ZNF273: variants seen among roughly 807,000 people sequenced by gnomAD.
ZNF273 encodes zinc finger protein 273.
In ZNF273, 11 loss-of-function variants were observed where a neutral mutation model predicts 14.9. The ratio of observed to expected loss-of-function variants is 0.74; its 90% CI spans 0.46 to 1.22. The LOEUF (loss-of-function observed/expected upper bound fraction) is 1.22. Ranked by LOEUF, ZNF273 falls within the 50% of genes most tolerant of loss-of-function variation. The pLI, the probability that ZNF273 is intolerant of heterozygous loss-of-function variation, is 0.00. For synonymous variants in ZNF273, 199 were observed against 223.9 expected (o/e 0.89, Z 0.99); for missense variants, 577 against 660.6 (o/e 0.87, Z 1.39).
chr7:64,885,933 T>G (rs1005016663), intron 1 of ZNF273, among the ~76,000 whole-genome samples: 11 of 152,126 alleles, frequency 7.2e-5, no homozygotes, highest in Non-Finnish European at 7.3e-5. Flanking sequence ...AGGGCTAAGA[T>G]CTTGGTTTAA....
chr7:64,897,223 G>A (rs1243043897), intron 3 of ZNF273: 2 of 152,226 alleles, frequency 1.3e-5, no homozygotes, highest in African/African-American at 4.8e-5. Flanking sequence ...AAAACTTAAT[G>A]TTGGTAGAGC....
intron 1 of ZNF273, among the ~76,000 whole-genome samples, chr7:64,907,344 A>G (rs1250127198): frequency 6.6e-6 from 1 of 152,158 alleles, no homozygotes; most frequent in East Asian, 1.9e-4. Context: ...AGGATTATCT[A>G]TGTGCTTCAT....
rs2129106271 is a variant in ZNF273 at position 64,928,245 on chromosome 7, C to T, written c.917C>T (p.Thr306Ile). The change falls in exon 4 of 4, where the codon ACT becomes ATT. Residue 306 changes from threonine to isoleucine, a missense_variant. Thr to Ile is a moderately conservative substitution (Grantham distance 89). This residue lies in a region of ZNF273 where 411 missense variants were observed against 440.4 expected (regional missense o/e 0.93). Coordinates refer to ENST00000476120, the MANE Select transcript of ZNF273 (RefSeq NM_021148.3). ...GKVFSVFSVL[T>I]KHKIIHTGTK... ...GTCTTTAGTGTATTTTCAGTCCTTA[C>T]TAAACATAAGATAATTCATACAGGA... is the stretch of plus-strand genomic sequence containing the variant. 2 of 1,612,972 alleles carry T rather than the reference C, an allele frequency of 1.2e-6. No individual in the cohort carries two copies. The highest frequency in any genetic ancestry group is 4.5e-5 in the East Asian group (2 of 44,808).
At chr7:64,891,114 C>A (rs566790420), downstream of ZNF273, among the ~76,000 whole-genome samples, 2 of 152,290 alleles carry the variant, frequency 1.3e-5, no homozygotes, top group African/African-American at 4.8e-5. Context: ...CAGGCCTGGG[C>A]AGGATGATGT....
At chr7:64,883,064 T>G (rs1471914469), downstream of ZNF273, among the ~76,000 whole-genome samples, 1 of 152,164 alleles carries the variant, frequency 6.6e-6, no homozygotes, top group Non-Finnish European at 1.5e-5. Flanking sequence ...GCAGCGCTTT[T>G]TCTTTTTTTT....
At chr7:64,885,541 C>T (rs139633669) in intron 1 of ZNF273, among the ~76,000 whole-genome samples, 143 of 152,342 alleles carry the variant, frequency 9.4e-4, no homozygotes, top group Non-Finnish European at 1.3e-3. Context: ...TCTCATGAAT[C>T]TGTGTGTGTT....
At chr7:64,883,241 T>C (rs1243350131), downstream of ZNF273, among the ~76,000 whole-genome samples, 4 of 132,302 alleles carry the variant, frequency 3.0e-5, no homozygotes, top group Admixed American at 3.3e-4. Flanking sequence ...CAGCAACTGG[T>C]CTAGAAAGAA....
downstream of ZNF273, among the ~76,000 whole-genome samples, chr7:64,881,616 G>T (rs6942829): frequency 0.011 from 1,677 of 152,206 alleles, 15 homozygotes; most frequent in Non-Finnish European, 0.016. Context: ...CTGTCCTTGT[G>T]GGGGGGCTGT....
chr7:64,932,561 C>T (rs913201749), downstream of ZNF273, among the ~76,000 whole-genome samples: 1 of 152,136 alleles, frequency 6.6e-6, no homozygotes, highest in African/African-American at 2.4e-5. Context: ...ACCTCCGCCT[C>T]CCAGAGTGCT....
chr7:64,886,118 C>T (rs1791561757), intron 1 of ZNF273, among the ~76,000 whole-genome samples: 1 of 152,222 alleles, frequency 6.6e-6, no homozygotes, highest in African/African-American at 2.4e-5. Flanking sequence ...AGGCAGCTTC[C>T]TCACTTATTC....
At chr7:64,927,440 A>G (rs1424772600) in intron 3 of ZNF273, among the ~76,000 whole-genome samples, 2 of 152,236 alleles carry the variant, frequency 1.3e-5, no homozygotes, top group Non-Finnish European at 2.9e-5. Flanking sequence ...TACCTGGGGC[A>G]CTGCACACAC....
exon 1 of ZNF273, chr7:64,877,858 C>A (rs1791155895): frequency 6.6e-6 from 1 of 152,240 alleles, no homozygotes; most frequent in Admixed American, 6.5e-5. Context: ...TGAAACTTGC[C>A]CCCCTGTGAT....
chr7:64,883,214 A>ACCCCCACCC (rs1791354353), downstream of ZNF273, among the ~76,000 whole-genome samples: 1 of 121,638 alleles, frequency 8.2e-6, no homozygotes, highest in Non-Finnish European at 1.7e-5. Context: ...CCAAATCACC[A>ACCCCCACCC]CCCCCCCCTC....
At chr7:64,903,889 T>C (rs1328313877) in intron 1 of ZNF273, among the ~76,000 whole-genome samples, 1 of 152,212 alleles carries the variant, frequency 6.6e-6, no homozygotes, top group Non-Finnish European at 1.5e-5. Context: ...TGGGAAGGGC[T>C]TGAAGGAAAG....
At chr7:64,895,091 C>T (rs1583970501) in intron 3 of ZNF273, among the ~76,000 whole-genome samples, 1 of 151,980 alleles carries the variant, frequency 6.6e-6, no homozygotes, top group South Asian at 2.1e-4. Flanking sequence ...GAGCCCTAAT[C>T]GTGCCGCTGC....
the ZNF273 span, among the ~76,000 whole-genome samples, chr7:64,936,589 A>G: frequency 1.3e-4 from 20 of 152,248 alleles, no homozygotes; most frequent in South Asian, 4.1e-4. Context: ...ATAGTACTCA[A>G]CCTGGATTCA....
At chr7:64,911,155 T>G (rs1484272146) in intron 1 of ZNF273, among the ~76,000 whole-genome samples, 1 of 152,182 alleles carries the variant, frequency 6.6e-6, no homozygotes, top group African/African-American at 2.4e-5. Context: ...TCTGCAGCTA[T>G]TGAGATAATC....
chr7:64,882,961 ATGCGGC>A (rs919229867), downstream of ZNF273, among the ~76,000 whole-genome samples: 4 of 152,190 alleles, frequency 2.6e-5, no homozygotes, highest in African/African-American at 9.6e-5. Context: ...CCGAGTGTGT[ATGCGGC>A]TGTCTGTGTG....
At chr7:64,932,333 G>A (rs1795007054), downstream of ZNF273, among the ~76,000 whole-genome samples, 1 of 151,814 alleles carries the variant, frequency 6.6e-6, no homozygotes, top group African/African-American at 2.4e-5. Flanking sequence ...ATTTAGAGAT[G>A]AGGTTTCACT....
Sources: allele counts gnomAD v4.1 joint callset (sites outside exome capture counted in the v4.1 genomes callset), GRCh38; gene constraint gnomAD v4.1.1; regional missense constraint gnomAD v4.1.1; transcripts MANE v1.5; gene names NCBI Gene and HGNC (gene_info 2026-07-23, HGNC 2026-07-21).